The following C4orf51 variants were observed in gnomAD, a reference collection of about 807,000 sequenced individuals.
C4orf51 encodes chromosome 4 open reading frame 51.
C4orf51 carries 25 observed loss-of-function variants against 25.2 expected under a neutral mutation model. That is an observed-to-expected ratio of 0.99 (90% CI 0.72 to 1.39). The LOEUF is 1.39. C4orf51 is among the 40% of genes most tolerant of loss of function. The pLI is 0.00. For missense variants in C4orf51, 252 were observed against 239.6 expected, an observed-to-expected ratio of 1.05 and a Z score of -0.34; for synonymous variants, 100 against 84.5, an observed-to-expected ratio of 1.18 and a Z score of -1.01.
At chr4:145,726,839 T>C in intron 2 of C4orf51, 72 bp from the exon 3 acceptor site, 2 of 1,263,364 alleles carry the variant, frequency 1.6e-6, no homozygotes, top group South Asian at 2.4e-5. Flanking sequence ...GGTAATAGCC[T>C]AATTGGAAGT....
At chr4:145,683,896 A>G (rs564792077) in intron 1 of C4orf51, among the ~76,000 whole-genome samples, 24 of 152,240 alleles carry the variant, frequency 1.6e-4, no homozygotes, top group Non-Finnish European at 3.1e-4. Flanking sequence ...AATAATGGAT[A>G]AGCTGAATTT....
chr4:145,790,141 A>G, the C4orf51 span, among the ~76,000 whole-genome samples: 1 of 152,258 alleles, frequency 6.6e-6, no homozygotes, highest in Non-Finnish European at 1.5e-5. Context: ...TAAAGACTGT[A>G]TTAGGTGACA....
rs1728761058 is a variant in C4orf51, at chr4:145,680,451, TA to T, written c.233+17del. The T allele has an allele frequency of 6.3e-7, 1 of 1,588,416 alleles. No homozygotes were observed. Among genetic ancestry groups the T allele is most frequent in the Admixed American group, 1.7e-5 (1 of 59,540 alleles). On this transcript the variant is annotated intron_variant, in intron 1 of 5. Coordinates refer to ENST00000438731, the MANE Select transcript of C4orf51 (RefSeq NM_001080531.3). ...GAGTGTAAACAGTAAGATTTCTTTG[TA>T]ATTTGCACCTGGATATATCACTATA...
At chr4:145,768,713 C>T (rs1347954102) in intron 1 of C4orf51, among the ~76,000 whole-genome samples, 2 of 148,848 alleles carry the variant, frequency 1.3e-5, no homozygotes. Flanking sequence ...ATTAAATTAG[C>T]CAGGTGTGGT....
downstream of C4orf51, among the ~76,000 whole-genome samples, chr4:145,733,278 G>A (rs144836283): frequency 1.4e-3 from 218 of 151,962 alleles, 2 homozygotes; most frequent in Non-Finnish European, 2.0e-3. Flanking sequence ...CTCCCCTAGC[G>A]TCCACAGGCC....
chr4:145,700,708 C>T (rs939855433), intron 2 of C4orf51, among the ~76,000 whole-genome samples: 2 of 152,166 alleles, frequency 1.3e-5, no homozygotes, highest in African/African-American at 4.8e-5. Flanking sequence ...TTCCTTCCCG[C>T]CTGTCCCCTC....
At chr4:145,728,037 A>AAT (rs61359065) in intron 3 of C4orf51, among the ~76,000 whole-genome samples, 20,013 of 123,120 alleles carry the variant, frequency 0.16, 1,739 homozygotes, top group East Asian at 0.26. Context: ...TATTATATAT[A>AAT]ATATATATAT....
At chr4:145,733,394 T>C (rs977036931), downstream of C4orf51, among the ~76,000 whole-genome samples, 10 of 152,142 alleles carry the variant, frequency 6.6e-5, no homozygotes, top group Admixed American at 3.9e-4. Context: ...CGGCAGGGGC[T>C]GCACATGACC....
downstream of C4orf51, among the ~76,000 whole-genome samples, chr4:145,773,411 C>A (rs886479003): frequency 1.3e-5 from 2 of 152,216 alleles, no homozygotes; most frequent in African/African-American, 4.8e-5. Flanking sequence ...CAGAGAGATC[C>A]TCCTCTGCTG....
intron 2 of C4orf51, among the ~76,000 whole-genome samples, chr4:145,715,655 A>C (rs979521563): frequency 3.3e-5 from 5 of 152,140 alleles, no homozygotes; most frequent in African/African-American, 1.2e-4. Flanking sequence ...TGTCAAAATC[A>C]ATCCGTCCAT....
At chr4:145,732,865 C>T (rs1732561331), downstream of C4orf51, 1 of 202,660 alleles carries the variant, frequency 4.9e-6, no homozygotes, top group South Asian at 1.2e-4. Context: ...TCGGGGGCTC[C>T]GGCGTCACAG....
At chr4:145,680,661 C>T (rs1201094455) in intron 1 of C4orf51, among the ~76,000 whole-genome samples, 1 of 152,054 alleles carries the variant, frequency 6.6e-6, no homozygotes, top group African/African-American at 2.4e-5. Flanking sequence ...ACTACCTAGT[C>T]CTGAAAGGAT....
downstream of C4orf51, among the ~76,000 whole-genome samples, chr4:145,736,546 G>A (rs993725342): frequency 6.6e-6 from 1 of 152,126 alleles, no homozygotes; most frequent in Non-Finnish European, 1.5e-5. Flanking sequence ...AGCAGGGAGG[G>A]CCTTCTCTGG....
chr4:145,761,298 G>A lies in C4orf51; in HGVS notation n.167-9690G>A. 1 of 1,289,936 alleles carries A rather than the reference G, an allele frequency of 7.8e-7. No homozygotes were observed. Among genetic ancestry groups the A allele is most frequent in the South Asian group, 1.2e-5 (1 of 81,030 alleles). The allele number at this position is 1,289,936 out of a possible 1,614,324, so 79.9% of individuals were successfully genotyped here. ...GGCGTGGGGCGTGCTTCAGCTTCTT[G>A]TGCAGGTTGAGATTGTCCTTGCGCT... On this transcript the variant is annotated intron_variant and non_coding_transcript_variant, in intron 1 of 1. Coordinates refer to the C4orf51 transcript ENST00000510096. The surrounding 1 kb of genome is among the most constrained non-coding windows in gnomAD (Gnocchi z 6.8).
intron 1 of C4orf51, among the ~76,000 whole-genome samples, chr4:145,743,453 T>A (rs1349067618): frequency 2.6e-5 from 4 of 152,108 alleles, no homozygotes; most frequent in Non-Finnish European, 5.9e-5. Flanking sequence ...GCTCCTGAGA[T>A]AACAAAGCCA....
At chr4:145,726,128 T>G (rs1732041770) in intron 2 of C4orf51, among the ~76,000 whole-genome samples, 1 of 152,224 alleles carries the variant, frequency 6.6e-6, no homozygotes, top group Non-Finnish European at 1.5e-5. Context: ...TGAATTTAAC[T>G]TCTACAGTTT....
intron 1 of C4orf51, among the ~76,000 whole-genome samples, chr4:145,686,581 TTC>T (rs1729168931): frequency 6.6e-6 from 1 of 152,116 alleles, no homozygotes; most frequent in South Asian, 2.1e-4. Flanking sequence ...AGTCAACTTT[TTC>T]AAAACTCTGA....
chr4:145,704,093 C>T lies in C4orf51; in HGVS notation c.307+7461C>T, dbSNP rs76727336. On this transcript the variant is annotated intron_variant, in intron 2 of 5. Transcript: ENST00000438731. ...GAAACAGGTAAATCAGGCTTAGTGG[C>T]AAGGCAGGTTTAGAGAGAGAGAAAT... Among the ~76,000 whole-genome samples the T allele has an allele frequency of 9.9e-5, 15 of 152,276 alleles. No homozygotes were observed. The East Asian group carries it at 2.7e-3, about 27-fold the overall frequency.
intron 2 of C4orf51, 41 bp from the exon 3 acceptor site, chr4:145,726,870 T>G (rs376727006): frequency 6.6e-7 from 1 of 1,518,456 alleles, no homozygotes; most frequent in Non-Finnish European, 9.1e-7. Context: ...TTATTCTAAC[T>G]CTGCATTTAA....
Sources: allele counts gnomAD v4.1 joint callset (sites outside exome capture counted in the v4.1 genomes callset), GRCh38; gene constraint gnomAD v4.1.1; non-coding constraint Gnocchi (gnomAD v3.1); transcripts MANE v1.5; gene names NCBI Gene and HGNC (gene_info 2026-07-23, HGNC 2026-07-21).